The following CARD6 variants were observed in gnomAD, a reference collection of about 807,000 sequenced individuals.
The protein encoded by CARD6 is caspase recruitment domain family member 6.
CARD6 carries 27 observed loss-of-function variants against 23.6 expected under a neutral mutation model. The ratio of observed to expected loss-of-function variants is 1.14; its 90% CI spans 0.84 to 1.58. CARD6 has a LOEUF of 1.58. Among genes scored for constraint, CARD6 ranks in the 40% most tolerant of loss-of-function variants. CARD6 has a pLI of 0.00. For synonymous variants in CARD6, 397 were observed against 431.8 expected (o/e 0.92, Z 1.00); for missense variants, 1,214 against 1,209.9 (o/e 1.00, Z -0.05).
At position 40,852,895 on chromosome 5, in the gene CARD6, C is replaced by G. The variant is rs201277724; in HGVS notation, c.1563C>G (p.Pro521=). The part of the protein sequence containing the change: ...FPDSDDRKEN[P]FFQKPVALAN... The stretch of plus-strand genomic sequence containing the variant: ...ATAGCGATGATAGAAAGGAAAACCC[C>G]TTTTTCCAAAAGCCTGTTGCTCTGG... Residue 521 remains proline (P), a synonymous_variant, in exon 3 of 3, where the codon CCC becomes CCG. Coordinates refer to ENST00000254691, the MANE Select transcript of CARD6 (RefSeq NM_032587.4). The G allele has an allele frequency of 1.2e-5, 19 of 1,613,920 alleles. No individual in the cohort carries two copies. In the East Asian group the frequency reaches 4.0e-4, roughly 34 times the overall value.
At chr5:40,851,218 T>C (rs532520320) in intron 2 of CARD6, among the ~76,000 whole-genome samples, 4 of 151,770 alleles carry the variant, frequency 2.6e-5, no homozygotes, top group East Asian at 3.9e-4. Context: ...TAATCCCAGC[T>C]ACTCGGGAGG....
chr5:40,853,807 T>C lies in CARD6; in HGVS notation c.2475T>C (p.His825=). The change falls in exon 3 of 3, where the codon CAT becomes CAC. Residue 825 remains histidine, a synonymous_variant. Transcript: ENST00000254691. The part of the protein sequence containing the change: ...FGRLPRPICQ[H]VQACPERPQM... ...GACTGCCAAGACCCATTTGTCAGCATGTACAGGCCTGCCCTGAGAGACCAC... is the reference window on the plus strand; with the variant it reads ...GACTGCCAAGACCCATTTGTCAGCACGTACAGGCCTGCCCTGAGAGACCAC... 6 of 1,614,178 alleles carry C rather than the reference T, an allele frequency of 3.7e-6. No homozygotes were observed. Among genetic ancestry groups the C allele is most frequent in the Non-Finnish European group, 4.2e-6 (5 of 1,180,032 alleles).
Position 40,841,418 on chromosome 5 carries a change from A to G in CARD6, c.36A>G (p.Glu12=), listed in dbSNP as rs776084647. ...AGAGTACTCCCTCAGAGATCATAGA[A>G]AGAGAAAGAAAAAAGTTGCTTGAAA... ...ATESTPSEII[E]RERKKLLEIL... Residue 12 remains glutamate (E), a synonymous_variant, in exon 1 of 3, where the codon GAA becomes GAG. Coordinates refer to ENST00000254691, the MANE Select transcript of CARD6 (RefSeq NM_032587.4). The G allele has an allele frequency of 6.2e-7, 1 of 1,612,360 alleles. No individual in the cohort carries two copies. The highest frequency in any genetic ancestry group is 8.5e-7 in the Non-Finnish European group (1 of 1,179,516).
chr5:40,843,872 G>C (rs1745921657), intron 2 of CARD6, among the ~76,000 whole-genome samples, 163 bp downstream of exon 2: 1 of 152,182 alleles, frequency 6.6e-6, no homozygotes, highest in Non-Finnish European at 1.5e-5. Context: ...CCTCGAGGTA[G>C]GTGTTGACTT....
chr5:40,854,099 G>T lies in CARD6; in HGVS notation c.2767G>T (p.Gly923Trp). The T allele has an allele frequency of 6.2e-7, 1 of 1,614,142 alleles. No individual in the cohort carries two copies. Among genetic ancestry groups the T allele is most frequent in the Non-Finnish European group, 8.5e-7 (1 of 1,180,020 alleles). Residue 923 changes from glycine (G) to tryptophan (W), a missense_variant, in exon 3 of 3, where the codon GGG becomes TGG. Transcript: ENST00000254691. The stretch of plus-strand genomic sequence containing the variant: ...AGGAGTCCAGATGAAGACACAAGGT[G>T]GGGCTTCAAATCCAGCTCTCCAAAT... ...QQGVQMKTQG[G>W]ASNPALQIGS...
rs1746124611 is a variant in CARD6 at position 40,853,604 on chromosome 5, G to A, written c.2272G>A (p.Gly758Arg). 6.2e-7 allele frequency: 1 copy of A among 1,614,046 alleles called. No individual in the cohort carries two copies. The highest frequency in any genetic ancestry group is 1.7e-5 in the Admixed American group (1 of 60,004). Reference sequence around the variant, plus strand: ...CTCCTGGGTTATGGGCCGCCCCTTTGGGTCAGAGCAGAGGCCTAAGTGGTT... The same window carrying A: ...CTCCTGGGTTATGGGCCGCCCCTTTAGGTCAGAGCAGAGGCCTAAGTGGTT... ...KASWVMGRPF[G>R]SEQRPKWFHP... is the part of the protein sequence containing the mutation. Residue 758 changes from glycine to arginine, a missense_variant, in exon 3 of 3, where the codon GGG (glycine) becomes AGG (arginine). Gly to Arg is a moderately radical substitution (Grantham distance 125). Coordinates refer to ENST00000254691, the MANE Select transcript of CARD6 (RefSeq NM_032587.4).
rs1300016666 is a variant in CARD6, at chr5:40,853,204, C to A, written c.1872C>A (p.Gly624=). Reference sequence around the variant, plus strand: ...GGGATAGAAGGAAGAACATGGAGGGCCTTCAAGCTGCCCTCCAGGAAGTGA... The same window carrying A: ...GGGATAGAAGGAAGAACATGGAGGGACTTCAAGCTGCCCTCCAGGAAGTGA... ...DAGDRRKNME[G]LQAALQEVMF... The change falls in exon 3 of 3, where the codon GGC becomes GGA. Residue 624 remains glycine, a synonymous_variant. Transcript: ENST00000254691. The A allele has an allele frequency of 3.1e-6, 5 of 1,614,002 alleles. No homozygotes were observed. The African/African-American group carries it at 4.0e-5, about 13-fold the overall frequency.
intron 2 of CARD6, among the ~76,000 whole-genome samples, chr5:40,849,960 A>C (rs1397604161): frequency 6.6e-6 from 1 of 151,728 alleles, no homozygotes; most frequent in East Asian, 1.9e-4. Context: ...AGCCTAGGTA[A>C]CAGTACAAGA....
Position 40,841,406 on chromosome 5 carries a change from A to C in CARD6, c.24A>C (p.Ser8=). ...CAATGGCTACCGAGAGTACTCCCTC[A>C]GAGATCATAGAAAGAGAAAGAAAAA... is the stretch of plus-strand genomic sequence containing the variant. The part of the protein sequence containing the change: MATESTP[S]EIIERERKKL... Residue 8 remains serine, a synonymous_variant, in exon 1 of 3, where the codon TCA becomes TCC. Transcript: ENST00000254691. The C allele has an allele frequency of 6.2e-7, 1 of 1,610,900 alleles. No individual in the cohort carries two copies. The highest frequency in any genetic ancestry group is 1.3e-5 in the African/African-American group (1 of 74,654).
chr5:40,850,133 G>C (rs1182157290), intron 2 of CARD6, among the ~76,000 whole-genome samples: 1 of 152,028 alleles, frequency 6.6e-6, no homozygotes, highest in Non-Finnish European at 1.5e-5. Flanking sequence ...AACCAGTATC[G>C]GCCAGGTGCG....
At chr5:40,850,180 C>T (rs561428002) in intron 2 of CARD6, among the ~76,000 whole-genome samples, 14 of 151,482 alleles carry the variant, frequency 9.2e-5, no homozygotes, top group African/African-American at 1.7e-4. Flanking sequence ...TTTGGGAGGC[C>T]GAGGCAGGCG....
intron 2 of CARD6, among the ~76,000 whole-genome samples, chr5:40,849,193 C>T (rs1746016557): frequency 6.6e-6 from 1 of 152,160 alleles, no homozygotes; most frequent in South Asian, 2.1e-4. Flanking sequence ...GACGGGGTGT[C>T]ATTATGTTGG....
In CARD6 at chr5:40,843,610, G is replaced by C. The variant is rs867546934; in HGVS notation, c.742G>C (p.Glu248Gln). Reference protein sequence around the residue: ...HVGYDGEEDFENSETTEFSGE... With the variant: ...HVGYDGEEDFQNSETTEFSGE... ...TGGATATGATGGTGAAGAGGACTTC[G>C]AGAATTCAGAAACCACAGAGTTCTC... Residue 248 changes from glutamate (E) to glutamine (Q), a missense_variant, in exon 2 of 3, where the codon GAG becomes CAG. Physicochemically the swap from Glu to Gln is conservative, Grantham distance 29. Transcript: ENST00000254691. 6.2e-7 allele frequency: 1 copy of C among 1,604,884 alleles called. No individual in the cohort carries two copies. Among genetic ancestry groups the C allele is most frequent in the East Asian group, 2.2e-5 (1 of 44,854 alleles).
At chr5:40,848,706 G>A (rs1746007701) in intron 2 of CARD6, among the ~76,000 whole-genome samples, 1 of 151,720 alleles carries the variant, frequency 6.6e-6, no homozygotes. Flanking sequence ...ATTTTAGTCT[G>A]TTTTTGTCTC....
Position 40,854,574 on chromosome 5 carries a change from C to T in CARD6, c.*128C>T. On this transcript the variant is annotated 3_prime_UTR_variant, in exon 3 of 3. Transcript: ENST00000254691. ...AGCATGTAAAACAAAGAAAGATATA[C>T]ATGACTGAATTGGATATCTTTGTTT... 1 of 772,896 alleles carries T rather than the reference C, an allele frequency of 1.3e-6. No individual in the cohort carries two copies. Among genetic ancestry groups the T allele is most frequent in the South Asian group, 1.8e-5 (1 of 56,748 alleles). 47.9% of individuals were successfully genotyped at this position (772,896 alleles called of 1,614,324 possible). A position where few individuals can be genotyped will look rare whatever the true frequency, so the allele number is the denominator to read the frequency against.
At position 40,855,193 on chromosome 5, in the gene CARD6, A is replaced by G. The variant is rs1324787396; in HGVS notation, c.*747A>G. 1.3e-5 allele frequency: 2 copies of G among 152,356 alleles called. No homozygotes were observed. Among genetic ancestry groups the G allele is most frequent in the African/African-American group, 2.4e-5 (1 of 41,452 alleles). The allele number at this position is 152,356 out of a possible 1,614,324, so 9.4% of individuals were successfully genotyped here. ...TATCTTTGTCAAAAGCTTCTGGTTC[A>G]ATATCAGCCACTGAGCAGATAACCC... On this transcript the variant is annotated 3_prime_UTR_variant, in exon 3 of 3. Coordinates refer to ENST00000254691, the MANE Select transcript of CARD6 (RefSeq NM_032587.4).
chr5:40,841,704 G>C (rs996137026), intron 1 of CARD6, 39 bp downstream of exon 1: 3 of 1,425,674 alleles, frequency 2.1e-6, no homozygotes, highest in African/African-American at 1.5e-5. Flanking sequence ...TGAGAGGAAG[G>C]GGGCAGACTT....
chr5:40,844,715 C>T (rs1338629566), intron 2 of CARD6, among the ~76,000 whole-genome samples: 1 of 152,090 alleles, frequency 6.6e-6, no homozygotes, highest in African/African-American at 2.4e-5. Flanking sequence ...TCATTTCTTC[C>T]TCATCACACC....
At chr5:40,845,056 C>T (rs549912298) in intron 2 of CARD6, among the ~76,000 whole-genome samples, 18 of 151,888 alleles carry the variant, frequency 1.2e-4, no homozygotes, top group Non-Finnish European at 2.2e-4. Context: ...TTAGTAGAGA[C>T]GAGGTTACAC....
Sources: allele counts gnomAD v4.1 joint callset (sites outside exome capture counted in the v4.1 genomes callset), GRCh38; gene constraint gnomAD v4.1.1; transcripts MANE v1.5; gene names NCBI Gene and HGNC (gene_info 2026-07-23, HGNC 2026-07-21).